Variants in EVC2 observed in about 807,000 individuals in gnomAD.
EVC2 encodes the protein limbin.
EVC2 carries 148 observed loss-of-function variants against 149.3 expected under a neutral mutation model. The observed-to-expected ratio is 0.99, with a 90% CI of 0.87 to 1.14. The LOEUF (loss-of-function observed/expected upper bound fraction) is 1.14, where lower values mean the gene tolerates loss of function less well. Ranked by LOEUF, EVC2 falls within the 50% of genes most tolerant of loss-of-function variation. The probability of loss-of-function intolerance (pLI) is 0.00; values close to 1 mark genes in which losing one functional copy is unlikely to be tolerated. For synonymous variants in EVC2, 776 were observed against 649.9 expected (o/e 1.19, Z -2.95); for missense variants, 1,854 against 1,627.3 (o/e 1.14, Z -2.40).
At chr4:5,565,215 G>A (rs759902267) in intron 21 of EVC2, 43 bp downstream of exon 21, 26 of 1,595,668 alleles carry the variant, frequency 1.6e-5, no homozygotes, top group Non-Finnish European at 2.2e-5. Context: ...AGGCAGCTTA[G>A]CTCACCCCCT....
At position 5,689,270 on chromosome 4, in the gene EVC2, G is replaced by C; in HGVS notation, c.593C>G (p.Ala198Gly). ...CAGCAAGAGCAGCTCCGAGAGGTTG[G>C]CTGACGAGGTTGTCTTGGTGTTGTT... ...LVNNTKTTSSANLSELLLLDS... is the reference protein window; with the variant it reads ...LVNNTKTTSSGNLSELLLLDS... The change falls in exon 5 of 22, where the codon GCC (alanine) becomes GGC (glycine). Residue 198 changes from alanine (A) to glycine (G), a missense_variant. Physicochemically the swap from Ala to Gly is moderately conservative, Grantham distance 60. Coordinates refer to ENST00000344408, the MANE Select transcript of EVC2 (RefSeq NM_147127.5). 6.2e-7 allele frequency: 1 copy of C among 1,614,188 alleles called. No individual in the cohort carries two copies.
At chr4:5,572,588 C>G (rs544256829) in intron 19 of EVC2, among the ~76,000 whole-genome samples, 1 of 152,120 alleles carries the variant, frequency 6.6e-6, no homozygotes. Flanking sequence ...ACCTTGATTT[C>G]GGACTTCCCA....
intron 21 of EVC2, among the ~76,000 whole-genome samples, chr4:5,553,949 C>A (rs969318739): frequency 2.6e-5 from 4 of 151,984 alleles, no homozygotes; most frequent in African/African-American, 9.7e-5. Context: ...CAGTAACTGA[C>A]CCGGAAATGA....
chr4:5,707,034 A>C (rs1301252428), intron 1 of EVC2, among the ~76,000 whole-genome samples: 1 of 152,140 alleles, frequency 6.6e-6, no homozygotes, highest in African/African-American at 2.4e-5. Context: ...CTGGCTTCCC[A>C]GAAGGAAGAG....
chr4:5,591,374 T>C (rs535395691), intron 16 of EVC2, among the ~76,000 whole-genome samples: 4 of 152,206 alleles, frequency 2.6e-5, no homozygotes, highest in African/African-American at 9.6e-5. Context: ...AACATCATCA[T>C]GCTTCAGCTG....
At chr4:5,537,331 G>T in the EVC2 span, among the ~76,000 whole-genome samples, 3 of 152,180 alleles carry the variant, frequency 2.0e-5, no homozygotes, top group African/African-American at 7.2e-5. Context: ...ATCAGTACAT[G>T]CATTGAGAAA....
chr4:5,694,103 A>G (rs1440228111), intron 3 of EVC2, among the ~76,000 whole-genome samples: 1 of 152,264 alleles, frequency 6.6e-6, no homozygotes, highest in African/African-American at 2.4e-5. Context: ...CAGATGAGGC[A>G]GCCTAATGCT....
At chr4:5,621,201 T>G (rs1304889401) in intron 14 of EVC2, among the ~76,000 whole-genome samples, 1 of 152,104 alleles carries the variant, frequency 6.6e-6, no homozygotes, top group African/African-American at 2.4e-5. Flanking sequence ...GAAAGGACAT[T>G]AAATCATGGA....
intron 10 of EVC2, among the ~76,000 whole-genome samples, chr4:5,638,400 A>C (rs919081940): frequency 2.0e-5 from 3 of 151,738 alleles, no homozygotes; most frequent in African/African-American, 4.8e-5. Flanking sequence ...AAAAACAAAA[A>C]AAAAAAAATT....
intron 9 of EVC2, among the ~76,000 whole-genome samples, chr4:5,650,486 G>A (rs769739023): frequency 7.2e-4 from 109 of 151,516 alleles, no homozygotes; most frequent in Middle Eastern, 3.4e-3. Context: ...TGGTTTATTC[G>A]TATCTCTGAG....
chr4:5,584,774 G>A lies in EVC2; in HGVS notation c.2906C>T (p.Ala969Val), dbSNP rs1159058208. 8.7e-6 allele frequency: 14 copies of A among 1,614,184 alleles called. No individual in the cohort carries two copies. Among genetic ancestry groups the A allele is most frequent in the Non-Finnish European group, 1.2e-5 (14 of 1,180,034 alleles). Residue 969 changes from alanine to valine, a missense_variant, in exon 17 of 22, where the codon GCT (alanine) becomes GTT (valine). Coordinates refer to ENST00000344408, the MANE Select transcript of EVC2 (RefSeq NM_147127.5). ...QEGGFAQSLV[A>V]LQFQKASRVT... ...CCGGGACGCCTTCTGGAACTGCAGA[G>A]CAACAAGCGACTGTGCAAAGCCTCC...
rs1464155435 is a variant in EVC2, at chr4:5,614,679, C to T, written c.2829+743G>A. Among the ~76,000 whole-genome samples the T allele has an allele frequency of 6.6e-6, 1 of 152,106 alleles. No individual in the cohort carries two copies. Among genetic ancestry groups the T allele is most frequent in the East Asian group, 1.9e-4 (1 of 5,172 alleles). On this transcript the variant is annotated intron_variant, in intron 16 of 21. Transcript: ENST00000344408. The surrounding 1 kb of genome is among the most constrained non-coding windows in gnomAD (Gnocchi z 4.7). ...CTGTGTGGTGTGTGCTAGAACATCA[C>T]GTATGAAATGGGGCTGGGCCAGGCA...
intron 21 of EVC2, among the ~76,000 whole-genome samples, chr4:5,552,953 A>G (rs1283301776): frequency 6.6e-6 from 1 of 152,242 alleles, no homozygotes; most frequent in African/African-American, 2.4e-5. Flanking sequence ...CAAAGTTCAC[A>G]AACAGCCAGG....
rs1335162018 is a variant in EVC2, at chr4:5,569,714, G to A, written c.3361-1074C>T. 6.6e-6 allele frequency among the ~76,000 whole-genome samples: 1 copy of A among 152,048 alleles called. No homozygotes were observed. Among genetic ancestry groups the A allele is most frequent in the Non-Finnish European group, 1.5e-5 (1 of 68,018 alleles). On this transcript the variant is annotated intron_variant, in intron 19 of 21. Coordinates refer to ENST00000344408, the MANE Select transcript of EVC2 (RefSeq NM_147127.5). The surrounding 1 kb of genome is among the most constrained non-coding windows in gnomAD (Gnocchi z 4.8). Reference sequence around the variant, plus strand: ...GGAGAGAACGTGTTCAGAAGGGTGGGCTGGGGGTTCAGAGACCACAGAGAG... The same window carrying A: ...GGAGAGAACGTGTTCAGAAGGGTGGACTGGGGGTTCAGAGACCACAGAGAG...
In EVC2 at chr4:5,613,033, C is replaced by T. The variant is rs1429750327; in HGVS notation, c.2829+2389G>A. On this transcript the variant is annotated intron_variant, in intron 16 of 21. Coordinates refer to ENST00000344408, the MANE Select transcript of EVC2 (RefSeq NM_147127.5). The surrounding 1 kb of genome is among the most constrained non-coding windows in gnomAD (Gnocchi z 4.6). ...AGGGTGTTGAGGTCCAGCCTTGAGC[C>T]ACTGGGTGGGAGCGGTGCGGTCTGC... 6.6e-6 allele frequency among the ~76,000 whole-genome samples: 1 copy of T among 152,002 alleles called. No homozygotes were observed. The highest frequency in any genetic ancestry group is 1.5e-5 in the Non-Finnish European group (1 of 67,996).
chr4:5,674,381 A>G (rs1327769401), intron 7 of EVC2, among the ~76,000 whole-genome samples: 1 of 152,230 alleles, frequency 6.6e-6, no homozygotes, highest in Non-Finnish European at 1.5e-5. Context: ...GCCTCCCTGG[A>G]CAAGAGGTTT....
chr4:5,644,541 G>T (rs2108869480), intron 9 of EVC2, among the ~76,000 whole-genome samples: 1 of 152,208 alleles, frequency 6.6e-6, no homozygotes, highest in Middle Eastern at 3.4e-3. Context: ...TTGACCTCAT[G>T]ATCTGCCCGC....
intron 10 of EVC2, among the ~76,000 whole-genome samples, chr4:5,632,409 G>GC: frequency 6.6e-6 from 1 of 152,240 alleles, no homozygotes; most frequent in East Asian, 1.9e-4. Flanking sequence ...AGGTTACTAA[G>GC]CCCTGGAATA....
intron 16 of EVC2, among the ~76,000 whole-genome samples, chr4:5,610,434 C>T (rs1039955562): frequency 6.6e-6 from 1 of 152,202 alleles, no homozygotes; most frequent in African/African-American, 2.4e-5. Flanking sequence ...AAATCTAAAT[C>T]ACCCTTGGAA....
Sources: gnomAD v4.1 joint callset for allele counts (sites outside exome capture counted in the v4.1 genomes callset) on GRCh38, gnomAD v4.1.1 for gene constraint, Gnocchi (gnomAD v3.1) non-coding constraint, MANE v1.5 for transcripts, NCBI Gene and HGNC (gene_info 2026-07-23, HGNC 2026-07-21) for gene names.